Variants in THPO observed in about 807,000 individuals in gnomAD.
THPO encodes thrombopoietin, also known as MPL ligand.
A neutral mutation model predicts 17.0 loss-of-function variants in THPO; 12 were observed. The ratio of observed to expected loss-of-function variants is 0.71; its 90% CI spans 0.45 to 1.14. The LOEUF is 1.14. Ranked by LOEUF, THPO falls within the 50% of genes most tolerant of loss-of-function variation. THPO has a pLI of 0.00. For missense variants in THPO, 365 were observed against 427.5 expected, an observed-to-expected ratio of 0.85 and a Z score of 1.29; for synonymous variants, 188 against 183.0, an observed-to-expected ratio of 1.03 and a Z score of -0.22.
chr3:184,373,161 C>A lies in THPO; in HGVS notation c.414G>T (p.Arg138Ser). The A allele has an allele frequency of 1.2e-6, 2 of 1,612,160 alleles. No homozygotes were observed. The highest frequency in any genetic ancestry group is 1.1e-5 in the South Asian group (1 of 91,060). Residue 138 changes from arginine (R) to serine (S), a missense_variant, in exon 6 of 6, where the codon AGG (arginine) becomes AGT (serine). Transcript: ENST00000647395. ...LLGTQLPPQG[R>S]TTAHKDPNAI... ...CATTGGGATCCTTGTGAGCTGTGGT[C>A]CTGCCCTGTGGAGGAAGCTGAGGGC...
intron 1 of THPO, among the ~76,000 whole-genome samples, chr3:184,377,460 C>T (rs1283616145): frequency 6.6e-6 from 1 of 152,160 alleles, no homozygotes; most frequent in East Asian, 1.9e-4. Context: ...TCTTAGGCGC[C>T]CACTAACATA....
chr3:184,378,304 C>G (rs1246529065), upstream of THPO: 2 of 985,426 alleles, frequency 2.0e-6, no homozygotes, highest in Non-Finnish European at 2.4e-6. Context: ...GGGTCCACTC[C>G]TCCACCCACA....
intron 1 of THPO, among the ~76,000 whole-genome samples, chr3:184,376,857 A>T (rs1714455327): frequency 8.4e-6 from 1 of 119,642 alleles, no homozygotes; most frequent in South Asian, 2.8e-4. Context: ...AAAAAAAAAA[A>T]GAAAGAAAGA....
Position 184,372,242 on chromosome 3 carries a change from T to C in THPO, c.*271A>G. On this transcript the variant is annotated 3_prime_UTR_variant, in exon 6 of 6. Coordinates refer to ENST00000647395, the MANE Select transcript of THPO (RefSeq NM_000460.4). ...AGAGTTATCACAGAAAAAGAGCATGTAGAGAATCAGTGAGTTGCAAATTTC... is the reference window on the plus strand; with the variant it reads ...AGAGTTATCACAGAAAAAGAGCATGCAGAGAATCAGTGAGTTGCAAATTTC... 1 of 462,144 alleles carries C rather than the reference T, an allele frequency of 2.2e-6. No homozygotes were observed. The highest frequency in any genetic ancestry group is 4.0e-6 in the Non-Finnish European group (1 of 252,146). 28.6% of individuals were successfully genotyped at this position (462,144 alleles called of 1,614,324 possible). A position where few individuals can be genotyped will look rare whatever the true frequency, so the allele number is the denominator to read the frequency against.
In THPO at chr3:184,373,598, AAG is replaced by A. The variant is rs1391750891; in HGVS notation, c.229-18_229-17del. 6.2e-7 allele frequency: 1 copy of A among 1,613,596 alleles called. No homozygotes were observed. The highest frequency in any genetic ancestry group is 1.3e-5 in the African/African-American group (1 of 74,892). On this transcript the variant is annotated splice_polypyrimidine_tract_variant and intron_variant, in intron 4 of 5. Coordinates refer to ENST00000647395, the MANE Select transcript of THPO (RefSeq NM_000460.4). Reference sequence around the variant, plus strand: ...TGGTCTCCTCCTGAGAAAGAGATGGAAGAGAGAAGCGCACTGCCTCAAAGGGC... The same window carrying A: ...TGGTCTCCTCCTGAGAAAGAGATGGAAGAGAAGCGCACTGCCTCAAAGGGC...
chr3:184,376,121 C>A, intron 2 of THPO, 106 bp from the exon 3 acceptor site: 1 of 1,611,316 alleles, frequency 6.2e-7, no homozygotes, highest in Non-Finnish European at 8.5e-7. Context: ...GGGAATCCAC[C>A]CCTCAGACCC....
chr3:184,378,323 G>C (rs764303523), upstream of THPO: 1 of 985,470 alleles, frequency 1.0e-6, no homozygotes, highest in Non-Finnish European at 1.2e-6. Flanking sequence ...CACACACCAC[G>C]GAGAAGATTT....
chr3:184,378,396 A>T, upstream of THPO: 1 of 985,540 alleles, frequency 1.0e-6, no homozygotes, highest in South Asian at 4.7e-5. Flanking sequence ...GGACAGGAGC[A>T]GAAGTTTTTT....
At position 184,373,592 on chromosome 3, in the gene THPO, A is replaced by G. The variant is rs1577357189; in HGVS notation, c.229-10T>C. ...GTGCCTTGGTCTCCTCCTGAGAAAGAGATGGAAGAGAGAAGCGCACTGCCT... is the reference window on the plus strand; with the variant it reads ...GTGCCTTGGTCTCCTCCTGAGAAAGGGATGGAAGAGAGAAGCGCACTGCCT... On this transcript the variant is annotated splice_polypyrimidine_tract_variant and intron_variant, in intron 4 of 5. Transcript: ENST00000647395. 1 of 1,611,900 alleles carries G rather than the reference A, an allele frequency of 6.2e-7. No individual in the cohort carries two copies. The highest frequency in any genetic ancestry group is 2.2e-5 in the East Asian group (1 of 44,854).
intron 4 of THPO, 148 bp from the exon 5 acceptor site, chr3:184,373,730 C>T (rs537858999): frequency 1.8e-4 from 160 of 909,318 alleles, no homozygotes; most frequent in Admixed American, 5.0e-4. Context: ...AATTCCTTCA[C>T]AGTCTCCCGA....
At position 184,373,137 on chromosome 3, in the gene THPO, A is replaced by T; in HGVS notation, c.438T>A (p.Asn146Lys). 18 of 1,613,346 alleles carry T rather than the reference A, an allele frequency of 1.1e-5. No individual in the cohort carries two copies. The highest frequency in any genetic ancestry group is 1.5e-5 in the Non-Finnish European group (18 of 1,179,994). Residue 146 changes from asparagine (N) to lysine (K), a missense_variant, in exon 6 of 6, where the codon AAT (asparagine) becomes AAA (lysine). Asn to Lys is a moderately conservative substitution (Grantham distance 94). Transcript: ENST00000647395. ...GGTGTTGGAAGCTCAGGAAGATGGC[A>T]TTGGGATCCTTGTGAGCTGTGGTCC... Reference protein sequence around the residue: ...QGRTTAHKDPNAIFLSFQHLL... With the variant: ...QGRTTAHKDPKAIFLSFQHLL...
At position 184,373,135 on chromosome 3, in the gene THPO, G is replaced by A; in HGVS notation, c.440C>T (p.Ala147Val). The change falls in exon 6 of 6, where the codon GCC (alanine) becomes GTC (valine). Residue 147 changes from alanine (A) to valine (V), a missense_variant. By Grantham distance (64) the Ala-to-Val change is moderately conservative. Coordinates refer to ENST00000647395, the MANE Select transcript of THPO (RefSeq NM_000460.4). ...CAGGTGTTGGAAGCTCAGGAAGATG[G>A]CATTGGGATCCTTGTGAGCTGTGGT... ...GRTTAHKDPN[A>V]IFLSFQHLLR... 6.2e-7 allele frequency: 1 copy of A among 1,613,254 alleles called. No individual in the cohort carries two copies. Among genetic ancestry groups the A allele is most frequent in the African/African-American group, 1.3e-5 (1 of 75,022 alleles).
At chr3:184,373,799 T>TA (rs1714166914) in intron 4 of THPO, among the ~76,000 whole-genome samples, 1 of 152,224 alleles carries the variant, frequency 6.6e-6, no homozygotes, top group Non-Finnish European at 1.5e-5. Flanking sequence ...AGCCTGGTCT[T>TA]ACACTTGGTT....
chr3:184,375,650 C>G, intron 3 of THPO, 49 bp from the exon 4 acceptor site: 1 of 1,589,258 alleles, frequency 6.3e-7, no homozygotes, highest in Non-Finnish European at 8.6e-7. Context: ...ATAGAGAGAG[C>G]TATGGTAGCC....
chr3:184,372,217 A>G lies in THPO; in HGVS notation c.*296T>C. On this transcript the variant is annotated 3_prime_UTR_variant, in exon 6 of 6. Coordinates refer to ENST00000647395, the MANE Select transcript of THPO (RefSeq NM_000460.4). The stretch of plus-strand genomic sequence containing the variant: ...CTGCCAGGCCAGCCCAGGCCTTTGC[A>G]GAGTTATCACAGAAAAAGAGCATGT... The G allele has an allele frequency of 2.6e-6, 1 of 387,630 alleles. No homozygotes were observed. The highest frequency in any genetic ancestry group is 3.1e-5 in the South Asian group (1 of 31,984). The allele number at this position is 387,630 out of a possible 1,614,324, so 24.0% of individuals were successfully genotyped here.
chr3:184,375,660 C>G, intron 3 of THPO, 59 bp from the exon 4 acceptor site: 1 of 1,580,342 alleles, frequency 6.3e-7, no homozygotes, highest in Non-Finnish European at 8.7e-7. Flanking sequence ...CTATGGTAGC[C>G]TAATAAGCAG....
At position 184,372,459 on chromosome 3, in the gene THPO, C is replaced by G; in HGVS notation, c.*54G>C. ...CCAGTTGTCTCCCAGGGGCGCCCTGCAGGGAAGGGAGCTGTACACGAGACA... is the reference window on the plus strand; with the variant it reads ...CCAGTTGTCTCCCAGGGGCGCCCTGGAGGGAAGGGAGCTGTACACGAGACA... On this transcript the variant is annotated 3_prime_UTR_variant, in exon 6 of 6. Transcript: ENST00000647395. 1 of 1,609,436 alleles carries G rather than the reference C, an allele frequency of 6.2e-7. No homozygotes were observed. The highest frequency in any genetic ancestry group is 8.5e-7 in the Non-Finnish European group (1 of 1,176,176).
chr3:184,376,075 C>T (rs1010239630), intron 2 of THPO, 60 bp from the exon 3 acceptor site: 1 of 1,613,546 alleles, frequency 6.2e-7, no homozygotes. Flanking sequence ...GCTGGTATTC[C>T]AGGAATTCCC....
intron 4 of THPO, among the ~76,000 whole-genome samples, chr3:184,375,090 G>T (rs1333716551): frequency 1.3e-5 from 2 of 152,196 alleles, no homozygotes; most frequent in Non-Finnish European, 1.5e-5. Context: ...CCCACATGTA[G>T]AAGTTTATAT....
Sources: allele counts gnomAD v4.1 joint callset (sites outside exome capture counted in the v4.1 genomes callset), GRCh38; gene constraint gnomAD v4.1.1; transcripts MANE v1.5; gene names NCBI Gene and HGNC (gene_info 2026-07-23, HGNC 2026-07-21).